NCAM1: variants seen among roughly 807,000 people sequenced by gnomAD.
The protein encoded by NCAM1 is antigen recognized by monoclonal antibody 5.1H11.
A neutral mutation model predicts 109.8 loss-of-function variants in NCAM1; 14 were observed. The ratio of observed to expected loss-of-function variants is 0.13; its 90% CI spans 0.08 to 0.20. The LOEUF is 0.20. Ranked by LOEUF, NCAM1 falls within the 10% of genes least tolerant of loss-of-function variation. NCAM1 has a pLI of 1.00. For missense variants in NCAM1, 774 were observed against 1,109.9 expected (o/e 0.70, Z 4.30); for synonymous variants, 418 against 442.9 (o/e 0.94, Z 0.70).
chr11:113,047,497 A>G (rs1953311150), intron 1 of NCAM1, among the ~76,000 whole-genome samples: 1 of 152,248 alleles, frequency 6.6e-6, no homozygotes, highest in Non-Finnish European at 1.5e-5. Flanking sequence ...TTGTACGTAT[A>G]GTCTCAGAAC....
At chr11:113,057,537 C>T (rs1953754012) in intron 1 of NCAM1, among the ~76,000 whole-genome samples, 1 of 152,112 alleles carries the variant, frequency 6.6e-6, no homozygotes, top group African/African-American at 2.4e-5. Flanking sequence ...GCTAGTTCTG[C>T]TATTTTGCCA....
At chr11:113,257,978 C>T (rs1555122599) in intron 16 of NCAM1, among the ~76,000 whole-genome samples, 1 of 152,226 alleles carries the variant, frequency 6.6e-6, no homozygotes, top group Non-Finnish European at 1.5e-5. Flanking sequence ...AGCACTGTCA[C>T]ATTCCTAAAG....
intron 1 of NCAM1, among the ~76,000 whole-genome samples, chr11:112,990,834 A>G (rs1389237689): frequency 1.3e-5 from 2 of 152,174 alleles, no homozygotes; most frequent in African/African-American, 4.8e-5. Context: ...GTGCTGTCCT[A>G]TCAAAAGGTT....
intron 1 of NCAM1, among the ~76,000 whole-genome samples, chr11:113,117,062 T>C (rs932130133): frequency 3.3e-5 from 5 of 151,948 alleles, no homozygotes; most frequent in African/African-American, 9.7e-5. Flanking sequence ...TCTTTGCAAA[T>C]TGGCCTTCAA....
chr11:113,203,527 C>T (rs992999292), intron 2 of NCAM1, among the ~76,000 whole-genome samples: 7 of 152,232 alleles, frequency 4.6e-5, no homozygotes, highest in African/African-American at 1.4e-4. Context: ...CGGATCTGAG[C>T]GCCCTTCCAG....
In NCAM1 at chr11:113,273,098, G is replaced by A. The variant is rs548145807; in HGVS notation, c.2456+1222G>A. ...GTATTGCCCCGCCGGCCACGGCCAC[G>A]CCTGACTCAAACTCTGTACCGGCTG... is the stretch of plus-strand genomic sequence containing the variant. On this transcript the variant is annotated intron_variant, in intron 19 of 19. Coordinates refer to ENST00000316851, the MANE Select transcript of NCAM1 (RefSeq NM_181351.5). This position sits in a 1 kb window ranked among gnomAD's most constrained non-coding sequence, Gnocchi z 6.0. 2.3e-4 allele frequency: 104 copies of A among 456,128 alleles called. No homozygotes were observed. The highest frequency in any genetic ancestry group is 1.7e-3 in the African/African-American group (87 of 50,098). The allele number at this position is 456,128 out of a possible 1,614,324, so 28.3% of individuals were successfully genotyped here.
At chr11:113,249,703 T>A (rs1945606285) in intron 15 of NCAM1, among the ~76,000 whole-genome samples, 1 of 152,196 alleles carries the variant, frequency 6.6e-6, no homozygotes, top group Non-Finnish European at 1.5e-5. Context: ...CCTGGTCATA[T>A]TTTCTTTTTA....
rs1555113131 is a variant in NCAM1, at chr11:113,207,859, A to T, written c.773A>T (p.Glu258Val). 1.9e-6 allele frequency: 3 copies of T among 1,611,524 alleles called. No individual in the cohort carries two copies. Among genetic ancestry groups the T allele is most frequent in the Non-Finnish European group, 1.7e-6 (2 of 1,178,884 alleles). Residue 258 changes from glutamate (E) to valine (V), a missense_variant, in exon 7 of 20, where the codon GAA becomes GTA. Transcript: ENST00000316851. ...GATGGGGAACAGATAGAGCAAGAGG[A>T]AGACGATGAGAAGTACATCTTCAGC... ...TKDGEQIEQE[E>V]DDEKYIFSDD...
intron 1 of NCAM1, among the ~76,000 whole-genome samples, chr11:113,108,838 C>T (rs1313504104): frequency 6.7e-6 from 1 of 149,394 alleles, no homozygotes; most frequent in South Asian, 2.1e-4. Context: ...TGCAGTGGCG[C>T]GATCTTGGCT....
At chr11:113,020,618 G>C (rs569919523) in intron 1 of NCAM1, among the ~76,000 whole-genome samples, 7 of 152,152 alleles carry the variant, frequency 4.6e-5, no homozygotes. Context: ...GCACAACATA[G>C]TTTGCTTCCA....
intron 1 of NCAM1, among the ~76,000 whole-genome samples, chr11:113,082,094 C>CT (rs1172440425): frequency 6.6e-6 from 1 of 152,152 alleles, no homozygotes; most frequent in Non-Finnish European, 1.5e-5. Flanking sequence ...GCAATTGCCT[C>CT]TTTTTTTCTA....
chr11:113,243,330 A>C (rs1291705380), intron 14 of NCAM1, among the ~76,000 whole-genome samples: 1 of 152,108 alleles, frequency 6.6e-6, no homozygotes, highest in Non-Finnish European at 1.5e-5. Flanking sequence ...CTGCTTCCTG[A>C]CAGCATGCCC....
At chr11:113,110,191 G>A (rs1940382944) in intron 1 of NCAM1, among the ~76,000 whole-genome samples, 1 of 149,700 alleles carries the variant, frequency 6.7e-6, no homozygotes, top group South Asian at 2.1e-4. Flanking sequence ...TCTCAAGGAT[G>A]AGGATTAGAT....
At chr11:113,035,361 CAAT>C (rs1162749240) in intron 1 of NCAM1, among the ~76,000 whole-genome samples, 3 of 152,164 alleles carry the variant, frequency 2.0e-5, no homozygotes, top group African/African-American at 7.2e-5. Flanking sequence ...GAATCACTAA[CAAT>C]AATGACATCG....
At chr11:113,191,031 G>A (rs1943660390) in intron 1 of NCAM1, among the ~76,000 whole-genome samples, 1 of 152,184 alleles carries the variant, frequency 6.6e-6, no homozygotes, top group African/African-American at 2.4e-5. Context: ...TATTATCAAC[G>A]TTTTAATAAG....
chr11:113,190,963 C>T (rs933268824), intron 1 of NCAM1, among the ~76,000 whole-genome samples: 38 of 152,288 alleles, frequency 2.5e-4, no homozygotes, highest in African/African-American at 9.1e-4. Flanking sequence ...CAAATGCACA[C>T]TCTGCAGGGA....
chr11:113,224,327 G>A lies in NCAM1; in HGVS notation c.1089+3002G>A, dbSNP rs868946161. Reference sequence around the variant, plus strand: ...GAGGGTCCTACGCCCACGGAGCCTCGCTCATTGCTAGCACAGCAGTCTGAG... The same window carrying A: ...GAGGGTCCTACGCCCACGGAGCCTCACTCATTGCTAGCACAGCAGTCTGAG... On this transcript the variant is annotated intron_variant, in intron 9 of 19. Coordinates refer to ENST00000316851, the MANE Select transcript of NCAM1 (RefSeq NM_181351.5). Among the ~76,000 whole-genome samples the A allele has an allele frequency of 3.4e-4, 52 of 152,310 alleles. No homozygotes were observed. In the Middle Eastern group the frequency reaches 0.01, roughly 30 times the overall value.
intron 5 of NCAM1, 43 bp from the exon 6 acceptor site, chr11:113,207,218 C>A (rs782578586): frequency 1.3e-6 from 2 of 1,548,708 alleles, no homozygotes; most frequent in East Asian, 4.5e-5. Context: ...TTGGGTTCTT[C>A]CAAATTTTCA....
At chr11:113,231,161 T>G in intron 9 of NCAM1, 1 of 1,519,676 alleles carries the variant, frequency 6.6e-7, no homozygotes, top group South Asian at 1.2e-5. Context: ...CTTTAATAAT[T>G]TCTTATGTTG....
Sources: allele counts gnomAD v4.1 joint callset (sites outside exome capture counted in the v4.1 genomes callset), GRCh38; gene constraint gnomAD v4.1.1; non-coding constraint Gnocchi (gnomAD v3.1); transcripts MANE v1.5; gene names NCBI Gene and HGNC (gene_info 2026-07-23, HGNC 2026-07-21).